Variants in ATP6V1H observed in about 807,000 individuals in gnomAD.
The protein encoded by ATP6V1H is ATPase H+ transporting V1 subunit H, also known as V-type proton ATPase subunit H.
ATP6V1H carries 39 observed loss-of-function variants against 71.7 expected under a neutral mutation model. The ratio of observed to expected loss-of-function variants is 0.54; its 90% confidence interval spans 0.42 to 0.71. The LOEUF (loss-of-function observed/expected upper bound fraction) is 0.71, where lower values mean the gene tolerates loss of function less well. Ranked by LOEUF, ATP6V1H falls within the 30% of genes least tolerant of loss-of-function variation. ATP6V1H has a pLI of 0.00. For missense variants in ATP6V1H, 509 were observed against 594.9 expected, an observed-to-expected ratio of 0.86 and a Z score of 1.50; for synonymous variants, 192 against 199.3, an observed-to-expected ratio of 0.96 and a Z score of 0.31.
intron 13 of ATP6V1H, among the ~76,000 whole-genome samples, chr8:53,738,961 G>GT (rs1410358828): frequency 3.9e-5 from 6 of 151,900 alleles, no homozygotes; most frequent in Admixed American, 6.6e-5. Context: ...AGTTATATTT[G>GT]TTTTTTTCAA....
chr8:53,749,557 G>A (rs1291431897), intron 12 of ATP6V1H, among the ~76,000 whole-genome samples: 2 of 152,150 alleles, frequency 1.3e-5, no homozygotes, highest in Admixed American at 6.5e-5. Context: ...GTTCCTGCTG[G>A]AGGTCTGGGG....
chr8:53,803,388 GACA>G (rs1469102782), intron 7 of ATP6V1H, among the ~76,000 whole-genome samples: 1 of 151,930 alleles, frequency 6.6e-6, no homozygotes, highest in Admixed American at 6.6e-5. Flanking sequence ...AGAAATTTCA[GACA>G]ACAGCCTTCA....
At chr8:53,822,962 A>AT (rs1198746604) in intron 4 of ATP6V1H, among the ~76,000 whole-genome samples, 1 of 152,184 alleles carries the variant, frequency 6.6e-6, no homozygotes, top group Non-Finnish European at 1.5e-5. Flanking sequence ...TATGCACCAA[A>AT]TACAGCATCC....
intron 11 of ATP6V1H, among the ~76,000 whole-genome samples, chr8:53,769,062 AAAAT>A (rs1456249529): frequency 6.6e-6 from 1 of 152,146 alleles, no homozygotes; most frequent in African/African-American, 2.4e-5. Context: ...TGGAAAGAAA[AAAAT>A]AAATCCTGTT....
intron 12 of ATP6V1H, among the ~76,000 whole-genome samples, chr8:53,754,730 G>T (rs1223227883): frequency 6.6e-6 from 1 of 152,224 alleles, no homozygotes; most frequent in Non-Finnish European, 1.5e-5. Context: ...TGTGCCCCTG[G>T]AAAGTGGTTT....
intron 11 of ATP6V1H, among the ~76,000 whole-genome samples, chr8:53,765,072 T>A (rs887580276): frequency 6.6e-6 from 1 of 151,682 alleles, no homozygotes; most frequent in African/African-American, 2.4e-5. Context: ...ACCACTTCAC[T>A]CCAATCTGGG....
rs185074686 is a variant in ATP6V1H, at chr8:53,747,590, A to G, written c.1278-3900T>C. On this transcript the variant is annotated intron_variant, in intron 12 of 13. Transcript: ENST00000359530. ...AGACTCGCTCCATTGCCCAGGCTGG[A>G]GTGCAGTGGCATGATCTCAGCACAC... is the stretch of plus-strand genomic sequence containing the variant. Among the ~76,000 whole-genome samples the G allele has an allele frequency of 8.1e-4, 119 of 146,264 alleles. 1 individual carries two copies. Among genetic ancestry groups the G allele is most frequent in the Non-Finnish European group, 1.2e-4 (8 of 67,166 alleles).
intron 4 of ATP6V1H, among the ~76,000 whole-genome samples, chr8:53,823,487 G>C (rs1382586965): frequency 6.6e-6 from 1 of 152,048 alleles, no homozygotes; most frequent in African/African-American, 2.4e-5. Flanking sequence ...TAATTTTTGG[G>C]GGGGCGGGGG....
chr8:53,756,542 G>A lies in ATP6V1H; in HGVS notation c.1277+13C>T, dbSNP rs1465236427. 1 of 1,603,038 alleles carries A rather than the reference G, an allele frequency of 6.2e-7. No individual in the cohort carries two copies. The highest frequency in any genetic ancestry group is 2.2e-5 in the East Asian group (1 of 44,808). On this transcript the variant is annotated intron_variant, in intron 12 of 13. Coordinates refer to ENST00000359530, the MANE Select transcript of ATP6V1H (RefSeq NM_015941.4). ...TTTCAAGAAACCAAATGAAATGAAT[G>A]GCTTTCTCTTACCGTTTGCCTCGTG...
At chr8:53,793,637 C>A (rs991492423) in intron 9 of ATP6V1H, among the ~76,000 whole-genome samples, 1 of 151,736 alleles carries the variant, frequency 6.6e-6, no homozygotes. Context: ...AGAGTAAAAA[C>A]CCTGTCTCAA....
chr8:53,818,682 G>A (rs1810533701), intron 4 of ATP6V1H, among the ~76,000 whole-genome samples: 1 of 152,096 alleles, frequency 6.6e-6, no homozygotes, highest in Admixed American at 6.6e-5. Flanking sequence ...AACTGCTGTT[G>A]ATATCCATGC....
At chr8:53,733,964 T>C (rs555860798) in intron 13 of ATP6V1H, among the ~76,000 whole-genome samples, 6 of 152,300 alleles carry the variant, frequency 3.9e-5, no homozygotes, top group African/African-American at 1.4e-4. Context: ...CCTACCTCTC[T>C]AAACAACTAG....
At chr8:53,811,116 A>G (rs1378370094) in intron 7 of ATP6V1H, 48 bp downstream of exon 7, 1 of 1,566,390 alleles carries the variant, frequency 6.4e-7, no homozygotes, top group South Asian at 1.1e-5. Flanking sequence ...ATATGACTCA[A>G]AATAATTTAT....
chr8:53,759,501 A>G (rs1808188004), intron 11 of ATP6V1H, among the ~76,000 whole-genome samples: 1 of 152,234 alleles, frequency 6.6e-6, no homozygotes, highest in African/African-American at 2.4e-5. Flanking sequence ...TGATTCTATC[A>G]AATAGTCCAA....
chr8:53,830,825 A>G (rs1484450709), intron 3 of ATP6V1H, among the ~76,000 whole-genome samples: 3 of 152,208 alleles, frequency 2.0e-5, no homozygotes, highest in Non-Finnish European at 2.9e-5. Flanking sequence ...CCCCAGTCTC[A>G]CCAGGCACAT....
At chr8:53,727,803 T>C (rs779058752) in intron 13 of ATP6V1H, among the ~76,000 whole-genome samples, 1 of 152,190 alleles carries the variant, frequency 6.6e-6, no homozygotes, top group East Asian at 1.9e-4. Flanking sequence ...GTCTAAAAAA[T>C]GAACTCCTCA....
intron 13 of ATP6V1H, among the ~76,000 whole-genome samples, chr8:53,737,581 T>C (rs1033938038): frequency 6.6e-6 from 1 of 152,184 alleles, no homozygotes; most frequent in African/African-American, 2.4e-5. Flanking sequence ...GAGGTGCCTC[T>C]AGGAGAATGC....
intron 9 of ATP6V1H, among the ~76,000 whole-genome samples, chr8:53,778,646 A>G (rs1010094122): frequency 6.6e-6 from 1 of 152,226 alleles, no homozygotes; most frequent in Non-Finnish European, 1.5e-5. Flanking sequence ...AGAAAGCAAA[A>G]ATGGAAGATA....
chr8:53,759,195 A>G (rs1322530708), intron 11 of ATP6V1H, among the ~76,000 whole-genome samples: 1 of 152,244 alleles, frequency 6.6e-6, no homozygotes, highest in Non-Finnish European at 1.5e-5. Context: ...CTTTCTAGTC[A>G]AATCTGCAAA....
Sources: allele counts gnomAD v4.1 joint callset (sites outside exome capture counted in the v4.1 genomes callset), GRCh38; gene constraint gnomAD v4.1.1; transcripts MANE v1.5; gene names NCBI Gene and HGNC (gene_info 2026-07-23, HGNC 2026-07-21).